The following B3GAT2 variants were observed in gnomAD, a reference collection of about 807,000 sequenced individuals.
B3GAT2 encodes the protein beta-1,3-glucuronyltransferase 2.
Under a neutral mutation model 27.8 loss-of-function variants are expected in B3GAT2, and 26 were observed. That is an observed-to-expected ratio of 0.93 (90% CI 0.68 to 1.30). B3GAT2 has a LOEUF of 1.30. Among genes scored for constraint, B3GAT2 ranks in the 50% most tolerant of loss-of-function variants. B3GAT2 has a pLI of 0.00. For synonymous variants in B3GAT2, 218 were observed against 195.1 expected (o/e 1.12, Z -0.98); for missense variants, 458 against 459.0 (o/e 1.00, Z 0.02).
intron 1 of B3GAT2, among the ~76,000 whole-genome samples, chr6:70,952,608 C>A (rs1222607986): frequency 6.6e-6 from 1 of 152,108 alleles, no homozygotes; most frequent in Non-Finnish European, 1.5e-5. Context: ...CACAGGGAGG[C>A]AGGATTACCT....
chr6:70,858,332 C>A lies in B3GAT2; in HGVS notation c.*3331G>T, dbSNP rs879024739. On this transcript the variant is annotated 3_prime_UTR_variant, in exon 4 of 4. Transcript: ENST00000230053. ...TTTTTTTTTAAGTCTAGTGATCTGG[C>A]AGAAAGAATTCAATAGGGATAATAT... 2.9e-6 allele frequency: 3 copies of A among 1,034,476 alleles called. No individual in the cohort carries two copies. Among genetic ancestry groups the A allele is most frequent in the Non-Finnish European group, 3.9e-6 (3 of 766,464 alleles). The allele number at this position is 1,034,476 out of a possible 1,614,324, so 64.1% of individuals were successfully genotyped here.
intron 1 of B3GAT2, among the ~76,000 whole-genome samples, chr6:70,949,290 T>A (rs1367911020): frequency 5.4e-4 from 82 of 152,166 alleles, no homozygotes; most frequent in Non-Finnish European, 6.9e-4. Flanking sequence ...GGGAGAATAT[T>A]TTCGCAACCT....
Position 70,861,722 on chromosome 6 carries a change from T to A in B3GAT2, c.913A>T (p.Lys305Ter), listed in dbSNP as rs1582333284. Residue 305 changes from lysine to a stop codon, truncating the protein, a stop_gained, in exon 4 of 4, where the codon AAG becomes TAG. Coordinates refer to ENST00000230053, the MANE Select transcript of B3GAT2 (RefSeq NM_080742.3). LOFTEE classifies it high-confidence loss of function. ...TTTGGCTCGTTGGCTAGATTAACCT[T>A]CTCTGTCCGAGTGTGCCACACGAGA... ...KVLVWHTRTE[K>*]VNLANEPKYH... 9 of 1,613,986 alleles carry A rather than the reference T, an allele frequency of 5.6e-6. No homozygotes were observed. The highest frequency in any genetic ancestry group is 7.6e-6 in the Non-Finnish European group (9 of 1,179,988).
chr6:70,862,698 A>G (rs1304883733), intron 2 of B3GAT2, among the ~76,000 whole-genome samples: 1 of 152,178 alleles, frequency 6.6e-6, no homozygotes, highest in Non-Finnish European at 1.5e-5. Flanking sequence ...GGCTGGGCAC[A>G]GTGTCTCACA....
rs542244927 is a variant in B3GAT2 at position 70,943,072 on chromosome 6, C to T, written c.591+12767G>A. Among the ~76,000 whole-genome samples the T allele has an allele frequency of 6.6e-5, 10 of 152,234 alleles. No individual in the cohort carries two copies. In the South Asian group the frequency reaches 8.3e-4, roughly 13 times the overall value. ...ATTTTAAAAAGTAAACAAACTACTGCGTTTTTAGTTGTTTTAGGAAAAAGA... is the reference window on the plus strand; with the variant it reads ...ATTTTAAAAAGTAAACAAACTACTGTGTTTTTAGTTGTTTTAGGAAAAAGA... On this transcript the variant is annotated intron_variant, in intron 1 of 3. Coordinates refer to ENST00000230053, the MANE Select transcript of B3GAT2 (RefSeq NM_080742.3).
intron 1 of B3GAT2, among the ~76,000 whole-genome samples, chr6:70,896,294 G>A (rs1043018879): frequency 8.5e-5 from 13 of 152,078 alleles, no homozygotes; most frequent in African/African-American, 2.7e-4. Context: ...ATCCTTCTAC[G>A]TCAGTGTAAT....
chr6:70,898,583 G>GT (rs1489535419), intron 1 of B3GAT2, among the ~76,000 whole-genome samples: 2 of 152,126 alleles, frequency 1.3e-5, no homozygotes, highest in African/African-American at 2.4e-5. Flanking sequence ...AGTACTGTGG[G>GT]TTTTTGGGTA....
Position 70,861,671 on chromosome 6 carries a change from C to T in B3GAT2, c.964G>A (p.Glu322Lys). ...PKYHLDTVKI[E>K]V ...CCAGTTGCTGCTTCAATTTATACCT[C>T]AATTTTCACTGTGTCCAGGTGGTAC... The change falls in exon 4 of 4, where the codon GAG becomes AAG. Residue 322 changes from glutamate (E) to lysine (K), a missense_variant. Glu to Lys is a moderately conservative substitution (Grantham distance 56). Coordinates refer to ENST00000230053, the MANE Select transcript of B3GAT2 (RefSeq NM_080742.3). 1 of 1,613,502 alleles carries T rather than the reference C, an allele frequency of 6.2e-7. No homozygotes were observed. Among genetic ancestry groups the T allele is most frequent in the Non-Finnish European group, 8.5e-7 (1 of 1,179,486 alleles).
At chr6:70,911,478 C>T (rs1772688542) in intron 1 of B3GAT2, among the ~76,000 whole-genome samples, 1 of 152,160 alleles carries the variant, frequency 6.6e-6, no homozygotes. Context: ...AGCTTTATTT[C>T]TGGGCTCTCT....
intron 2 of B3GAT2, among the ~76,000 whole-genome samples, chr6:70,866,463 C>T (rs976903349): frequency 7.9e-5 from 12 of 152,140 alleles, no homozygotes; most frequent in African/African-American, 2.9e-4. Context: ...ACATATATGT[C>T]TCTCTCATCC....
At chr6:70,925,250 G>A (rs757111507) in intron 1 of B3GAT2, among the ~76,000 whole-genome samples, 2 of 152,370 alleles carry the variant, frequency 1.3e-5, no homozygotes, top group Non-Finnish European at 2.9e-5. Flanking sequence ...GAAGACAGGA[G>A]ATTTCTGCAT....
At chr6:70,948,334 A>G (rs1200108946) in intron 1 of B3GAT2, among the ~76,000 whole-genome samples, 6 of 147,250 alleles carry the variant, frequency 4.1e-5, no homozygotes, top group Admixed American at 6.8e-5. Flanking sequence ...AGAAAACCCC[A>G]TTGTCTCAGC....
chr6:70,906,485 C>T (rs1184652765), intron 1 of B3GAT2, among the ~76,000 whole-genome samples: 6 of 151,704 alleles, frequency 4.0e-5, no homozygotes, highest in African/African-American at 7.3e-5. Context: ...GGACTGCAGG[C>T]GTGCACCACC....
chr6:70,902,057 T>C (rs1193965210), intron 1 of B3GAT2, among the ~76,000 whole-genome samples: 2 of 152,248 alleles, frequency 1.3e-5, no homozygotes, highest in East Asian at 1.9e-4. Context: ...CACTTAATTA[T>C]GTTACTTGCT....
In B3GAT2 at chr6:70,938,595, C is replaced by T. The variant is rs1215381195; in HGVS notation, c.591+17244G>A. Among the ~76,000 whole-genome samples the T allele has an allele frequency of 1.9e-4, 29 of 149,512 alleles. No homozygotes were observed. The South Asian group carries it at 2.8e-3, about 14-fold the overall frequency. ...AACAGAACAGAGCCCTCAGAAATAA[C>T]GCTGCATATCTACAACTATCTGATC... On this transcript the variant is annotated intron_variant, in intron 1 of 3. Transcript: ENST00000230053.
rs566843377 is a variant in B3GAT2 at position 70,862,020 on chromosome 6, G to T, written c.737-42C>A. ...AAAAAAAAAGAGACTTTAAAATCCT[G>T]GTGTACTTCTCTTTTTTTCTGTATA... is the stretch of plus-strand genomic sequence containing the variant. On this transcript the variant is annotated intron_variant, in intron 2 of 3. Transcript: ENST00000230053. 2.6e-6 allele frequency: 4 copies of T among 1,525,498 alleles called. No homozygotes were observed. In the South Asian group the frequency reaches 5.1e-5, roughly 20 times the overall value. The allele number at this position is 1,525,498 out of a possible 1,614,324, so 94.5% of individuals were successfully genotyped here. A position where few individuals can be genotyped will look rare whatever the true frequency, so the allele number is the denominator to read the frequency against.
chr6:70,929,572 C>G (rs1264683245), intron 1 of B3GAT2, among the ~76,000 whole-genome samples: 3 of 152,262 alleles, frequency 2.0e-5, no homozygotes, highest in East Asian at 3.9e-4. Flanking sequence ...AGAGACAAAT[C>G]ATGAGTGAAC....
chr6:70,955,087 G>A (rs532079682), intron 1 of B3GAT2, among the ~76,000 whole-genome samples: 5 of 151,630 alleles, frequency 3.3e-5, no homozygotes, highest in African/African-American at 4.8e-5. Flanking sequence ...TGTGAAAAGG[G>A]ATCAGGCAGC....
chr6:70,924,448 A>G (rs957652030), intron 1 of B3GAT2, among the ~76,000 whole-genome samples: 2 of 152,232 alleles, frequency 1.3e-5, no homozygotes, highest in African/African-American at 4.8e-5. Context: ...AGGCACCCTG[A>G]ATAGCCAAAA....
Sources: gnomAD v4.1 joint callset for allele counts (sites outside exome capture counted in the v4.1 genomes callset) on GRCh38, gnomAD v4.1.1 for gene constraint, MANE v1.5 for transcripts, NCBI Gene and HGNC (gene_info 2026-07-23, HGNC 2026-07-21) for gene names.